AGL: variants seen among roughly 807,000 people sequenced by gnomAD.
AGL encodes the protein amylo-alpha-1,6-glucosidase and 4-alpha-glucanotransferase.
Under a neutral mutation model 199.3 loss-of-function variants are expected in AGL, and 128 were observed. The ratio of observed to expected loss-of-function variants is 0.64; its 90% CI spans 0.56 to 0.74. AGL has a LOEUF of 0.74. AGL is among the 30% of genes least tolerant of loss of function. AGL has a pLI of 0.00. For missense variants in AGL, 1,809 were observed against 1,820.8 expected, an observed-to-expected ratio of 0.99 and a Z score of 0.12; for synonymous variants, 584 against 594.7, an observed-to-expected ratio of 0.98 and a Z score of 0.26.
chr1:99,907,710 C>T (rs1654423533), intron 27 of AGL, among the ~76,000 whole-genome samples: 2 of 25,588 alleles, frequency 7.8e-5, no homozygotes, highest in African/African-American at 1.2e-4. Context: ...TTGCTAGTAG[C>T]CATCCTAAAT....
intron 30 of AGL, 22 bp from the exon 31 acceptor site, chr1:99,915,367 A>G: frequency 3.2e-6 from 5 of 1,579,976 alleles, no homozygotes; most frequent in Non-Finnish European, 4.4e-6. Flanking sequence ...AAATTTGTAT[A>G]TTTGTTTTTG....
In AGL at chr1:99,912,411, G is replaced by A. The variant is rs747864314; in HGVS notation, c.3843G>A (p.Gly1281=). The A allele has an allele frequency of 6.2e-7, 1 of 1,613,666 alleles. No homozygotes were observed. The highest frequency in any genetic ancestry group is 1.7e-5 in the Admixed American group (1 of 59,982). The change falls in exon 29 of 34, where the codon GGG becomes GGA. Residue 1281 remains glycine, a synonymous_variant. Transcript: ENST00000361915. ...ATACGTTTTTTAATTTTAGAGATGG[G>A]TCTGCTGTGGAAATTGTGGGCCTGA... ...NRGIPATPRD[G]SAVEIVGLSK...
At chr1:99,885,831 T>G (rs1652410307) in intron 20 of AGL, among the ~76,000 whole-genome samples, 1 of 152,124 alleles carries the variant, frequency 6.6e-6, no homozygotes, top group African/African-American at 2.4e-5. Context: ...CAGTATATAT[T>G]ACAATGTAAT....
intron 23 of AGL, 37 bp downstream of exon 23, chr1:99,891,776 G>A: frequency 1.2e-6 from 2 of 1,611,134 alleles, no homozygotes; most frequent in South Asian, 2.2e-5. Flanking sequence ...GGGCATATCT[G>A]TGTTGAAACT....
rs1267374318 is a variant in AGL at position 99,881,618 on chromosome 1, T to G, written c.2235T>G (p.Ala745=). The change falls in exon 17 of 34, where the codon GCT becomes GCG. Residue 745 remains alanine, a synonymous_variant. Transcript: ENST00000361915. ...CTAGCATCCATCAGTCTGTTGTGGC[T>G]GTATCTAGAACTGCTTTCAGGAATC... ...HSPSIHQSVV[A]VSRTAFRNPK... The G allele has an allele frequency of 1.2e-6, 2 of 1,613,940 alleles. No individual in the cohort carries two copies. The highest frequency in any genetic ancestry group is 1.7e-6 in the Non-Finnish European group (2 of 1,179,972).
In AGL at chr1:99,880,748, C is replaced by T; in HGVS notation, c.1852C>T (p.His618Tyr). ...GAGGCCTTTAATGCCAGCTATTGCA[C>T]ATGCCCTGTTTATGGATATTACGCA... ...CLRPLMPAIA[H>Y]ALFMDITHDN... The change falls in exon 14 of 34, where the codon CAT (histidine) becomes TAT (tyrosine). Residue 618 changes from histidine (H) to tyrosine (Y), a missense_variant. Physicochemically the swap from His to Tyr is moderately conservative, Grantham distance 83. Coordinates refer to ENST00000361915, the MANE Select transcript of AGL (RefSeq NM_000642.3). 6.2e-7 allele frequency: 1 copy of T among 1,614,040 alleles called. No individual in the cohort carries two copies. The highest frequency in any genetic ancestry group is 8.5e-7 in the Non-Finnish European group (1 of 1,179,956).
At chr1:99,861,383 G>A in intron 2 of AGL, 120 bp from the exon 3 acceptor site, 1 of 1,546,728 alleles carries the variant, frequency 6.5e-7, no homozygotes. Context: ...TAGGTTTGCG[G>A]AGTTATTTTA....
chr1:99,863,181 G>A (rs1650211045), intron 4 of AGL, among the ~76,000 whole-genome samples: 1 of 151,858 alleles, frequency 6.6e-6, no homozygotes, highest in Non-Finnish European at 1.5e-5. Context: ...CTCGTGATCT[G>A]CCCACCTTGG....
At chr1:99,910,928 C>A in intron 28 of AGL, 81 bp downstream of exon 28, 1 of 1,435,740 alleles carries the variant, frequency 7.0e-7, no homozygotes, top group Non-Finnish European at 9.6e-7. Flanking sequence ...ATTCTGTTAA[C>A]TATGAACTCT....
intron 12 of AGL, among the ~76,000 whole-genome samples, 184 bp downstream of exon 12, chr1:99,878,012 G>T (rs1406681759): frequency 6.6e-6 from 1 of 152,100 alleles, no homozygotes; most frequent in Non-Finnish European, 1.5e-5. Context: ...AGTTGTTATG[G>T]AATACTGGGC....
intron 3 of AGL, 150 bp from the exon 4 acceptor site, chr1:99,862,107 T>G (rs1025474206): frequency 4.8e-6 from 4 of 838,762 alleles, no homozygotes; most frequent in African/African-American, 3.4e-5. Context: ...CCATTAAGTT[T>G]TGTTGCAACT....
chr1:99,866,496 T>C (rs1650522011), intron 5 of AGL, among the ~76,000 whole-genome samples: 1 of 152,218 alleles, frequency 6.6e-6, no homozygotes, highest in East Asian at 1.9e-4. Context: ...TTTTTGGGTA[T>C]GATATGATAT....
At chr1:99,860,649 A>G (rs1405009904) in intron 2 of AGL, among the ~76,000 whole-genome samples, 1 of 152,194 alleles carries the variant, frequency 6.6e-6, no homozygotes, top group African/African-American at 2.4e-5. Flanking sequence ...AAAAGTAGAA[A>G]TGCATTGGCT....
At chr1:99,909,768 C>T (rs371783437) in intron 27 of AGL, among the ~76,000 whole-genome samples, 338 of 152,202 alleles carry the variant, frequency 2.2e-3, no homozygotes, top group South Asian at 6.8e-3. Context: ...TGATAGTCCA[C>T]TGTATTATGC....
intron 7 of AGL, among the ~76,000 whole-genome samples, chr1:99,872,342 T>G (rs756668433): frequency 6.6e-6 from 1 of 152,126 alleles, no homozygotes; most frequent in Admixed American, 6.5e-5. Flanking sequence ...TTTACTTGCT[T>G]ATGTGAGTCA....
chr1:99,905,203 G>T (rs553838585), intron 27 of AGL, among the ~76,000 whole-genome samples: 1 of 151,962 alleles, frequency 6.6e-6, no homozygotes, highest in African/African-American at 2.4e-5. Context: ...GTGTGTGGTG[G>T]GGGGGTGGGT....
rs1651874892 is a variant in AGL at position 99,879,979 on chromosome 1, G to A, written c.1668G>A (p.Leu556=). 1 of 1,613,736 alleles carries A rather than the reference G, an allele frequency of 6.2e-7. No homozygotes were observed. The change falls in exon 13 of 34, where the codon CTG becomes CTA. Residue 556 remains leucine, a synonymous_variant. Transcript: ENST00000361915. ...LQPNLYVVAE[L]FTGSEDLDNV... Reference sequence around the variant, plus strand: ...CCAATTTATATGTAGTAGCTGAACTGTTCACAGGAAGTGAAGATCTGGACA... The same window carrying A: ...CCAATTTATATGTAGTAGCTGAACTATTCACAGGAAGTGAAGATCTGGACA...
chr1:99,880,239 T>G (rs1238594266), intron 13 of AGL, among the ~76,000 whole-genome samples, 193 bp downstream of exon 13: 1 of 152,228 alleles, frequency 6.6e-6, no homozygotes, highest in African/African-American at 2.4e-5. Context: ...TGGGGTAAGA[T>G]ACCTCATTTC....
rs750093972 is a variant in AGL at position 99,877,666 on chromosome 1, A to G, written c.1449A>G (p.Glu483=). The G allele has an allele frequency of 1.2e-6, 2 of 1,613,924 alleles. No homozygotes were observed. The highest frequency in any genetic ancestry group is 2.7e-5 in the African/African-American group (2 of 74,922). Residue 483 remains glutamate, a synonymous_variant, in exon 12 of 34, where the codon GAA becomes GAG. Coordinates refer to ENST00000361915, the MANE Select transcript of AGL (RefSeq NM_000642.3). ...EPGSEVYLRR[E]LICWGDSVKL... Reference sequence around the variant, plus strand: ...GTTCAGAAGTTTACCTAAGGAGAGAACTTATTTGCTGGGGAGACAGTGTTA... The same window carrying G: ...GTTCAGAAGTTTACCTAAGGAGAGAGCTTATTTGCTGGGGAGACAGTGTTA...
Sources: gnomAD v4.1 joint callset for allele counts (sites outside exome capture counted in the v4.1 genomes callset) on GRCh38, gnomAD v4.1.1 for gene constraint, MANE v1.5 for transcripts, NCBI Gene and HGNC (gene_info 2026-07-23, HGNC 2026-07-21) for gene names.